PDE10A: variants seen among roughly 807,000 people sequenced by gnomAD.
PDE10A encodes the protein cAMP and cAMP-inhibited cGMP 3',5'-cyclic phosphodiesterase 10A.
PDE10A carries 39 observed loss-of-function variants against 97.7 expected under a neutral mutation model. That is an observed-to-expected ratio of 0.40 (90% CI 0.31 to 0.52). The LOEUF is 0.52. Among genes scored for constraint, PDE10A ranks in the 20% least tolerant of loss-of-function variants. The pLI, the probability that PDE10A is intolerant of heterozygous loss-of-function variation, is 0.56. For missense variants in PDE10A, 731 were observed against 1,047.8 expected (o/e 0.70, Z 4.17); for synonymous variants, 371 against 376.8 (o/e 0.98, Z 0.18).
intron 10 of PDE10A, among the ~76,000 whole-genome samples, chr6:165,419,874 T>C (rs1175659370): frequency 6.6e-6 from 1 of 152,206 alleles, no homozygotes; most frequent in African/African-American, 2.4e-5. Flanking sequence ...ATATAAAATG[T>C]ATAGATTTAA....
intron 2 of PDE10A, among the ~76,000 whole-genome samples, chr6:165,522,036 T>C (rs1156497435): frequency 6.6e-6 from 1 of 152,224 alleles, no homozygotes; most frequent in East Asian, 1.9e-4. Flanking sequence ...TAATATTTTA[T>C]TCTATGACTA....
In PDE10A at chr6:165,779,300, G is replaced by A. The variant is rs557302692; in HGVS notation, c.-615+208229C>T. ...CCTTTTCACTTCAACAGAAAAACAA[G>A]TCATTGTTTAGTTTAAAATAATGGA... On this transcript the variant is annotated intron_variant, in intron 1 of 19. Coordinates refer to the PDE10A transcript ENST00000366882. Among the ~76,000 whole-genome samples the A allele has an allele frequency of 8.6e-5, 12 of 139,450 alleles. No individual in the cohort carries two copies. The South Asian group carries it at 2.7e-3, about 32-fold the overall frequency. The allele number at this position is 139,450 out of a possible 152,430, so 91.5% of individuals were successfully genotyped here.
At chr6:165,687,298 G>A (rs936387689) in intron 1 of PDE10A, among the ~76,000 whole-genome samples, 1 of 152,218 alleles carries the variant, frequency 6.6e-6, no homozygotes, top group African/African-American at 2.4e-5. Flanking sequence ...TGCTTGGGAA[G>A]GTTTCTTAAC....
chr6:165,819,505 C>T lies in PDE10A; in HGVS notation c.-615+168024G>A, dbSNP rs1301496149. The stretch of plus-strand genomic sequence containing the variant: ...CCCTGCACGTGCTGCCCTCTGACTG[C>T]AGGGTGCCGGCAGCCTCCTCCGACC... On this transcript the variant is annotated intron_variant, in intron 1 of 19. Transcript: ENST00000366882. The surrounding 1 kb of genome is among the most constrained non-coding windows in gnomAD (Gnocchi z 4.2). Among the ~76,000 whole-genome samples the T allele has an allele frequency of 6.6e-6, 1 of 152,180 alleles. No individual in the cohort carries two copies. The highest frequency in any genetic ancestry group is 2.4e-5 in the African/African-American group (1 of 41,444).
At chr6:165,796,562 C>A (rs1380126373) in intron 1 of PDE10A, among the ~76,000 whole-genome samples, 1 of 152,162 alleles carries the variant, frequency 6.6e-6, no homozygotes, top group African/African-American at 2.4e-5. Flanking sequence ...TATGTGTAAG[C>A]ATCAGTTAGG....
intron 1 of PDE10A, among the ~76,000 whole-genome samples, chr6:165,928,386 G>C (rs903383492): frequency 1.3e-5 from 2 of 152,184 alleles, no homozygotes; most frequent in African/African-American, 4.8e-5. Context: ...TCAGTCTTAC[G>C]TGGTTTCTGC....
chr6:165,981,389 C>T (rs527277419), intron 1 of PDE10A, among the ~76,000 whole-genome samples: 1 of 152,298 alleles, frequency 6.6e-6, no homozygotes, highest in African/African-American at 2.4e-5. Context: ...TTCATTTCTT[C>T]CCAAAATCAT....
chr6:165,725,388 G>C (rs4709976), intron 1 of PDE10A, among the ~76,000 whole-genome samples: 2 of 152,142 alleles, frequency 1.3e-5, no homozygotes, highest in Non-Finnish European at 2.9e-5. Flanking sequence ...AACCCTAGAG[G>C]GTGCCATGGG....
intron 1 of PDE10A, among the ~76,000 whole-genome samples, chr6:165,544,553 C>A (rs1583509132): frequency 6.9e-6 from 1 of 144,016 alleles, no homozygotes; most frequent in East Asian, 2.0e-4. Flanking sequence ...AATAAATTAC[C>A]CTTTTTAGGG....
chr6:165,664,391 C>T (rs1790442697), upstream of PDE10A, among the ~76,000 whole-genome samples: 1 of 152,160 alleles, frequency 6.6e-6, no homozygotes, highest in East Asian at 1.9e-4. Flanking sequence ...TGTATTTGCA[C>T]CAAGCTGAGC....
chr6:165,961,787 A>T (rs1784368149), intron 1 of PDE10A, among the ~76,000 whole-genome samples: 1 of 152,064 alleles, frequency 6.6e-6, no homozygotes, highest in Non-Finnish European at 1.5e-5. Flanking sequence ...TCAGAGCAAA[A>T]CCCCAGAGCC....
chr6:165,395,058 A>G lies in PDE10A; in HGVS notation c.2303+123T>C. 10 of 568,502 alleles carry G rather than the reference A, an allele frequency of 1.8e-5. 1 individual carries two copies. In the South Asian group the frequency reaches 2.6e-4, roughly 15 times the overall value. The allele number at this position is 568,502 out of a possible 1,614,324, so 35.2% of individuals were successfully genotyped here. On this transcript the variant is annotated intron_variant, in intron 15 of 21. Transcript: ENST00000539869. Reference sequence around the variant, plus strand: ...TATTGGAATATTTAGGAAAAAAAGTAATTTATACATGCAGTATTTAAAAAT... The same window carrying G: ...TATTGGAATATTTAGGAAAAAAAGTGATTTATACATGCAGTATTTAAAAAT...
chr6:165,376,818 T>C (rs1043869371), intron 18 of PDE10A, among the ~76,000 whole-genome samples: 9 of 151,844 alleles, frequency 5.9e-5, no homozygotes, highest in African/African-American at 1.7e-4. Flanking sequence ...ACTCAGGAGG[T>C]TGAGGTAGGA....
intron 1 of PDE10A, among the ~76,000 whole-genome samples, chr6:165,738,760 C>T (rs550693363): frequency 6.6e-6 from 1 of 152,302 alleles, no homozygotes; most frequent in African/African-American, 2.4e-5. Context: ...TCTCTGATGG[C>T]TGGTGATGGT....
intron 1 of PDE10A, among the ~76,000 whole-genome samples, chr6:165,915,229 G>A (rs141350942): frequency 6.7e-4 from 102 of 152,268 alleles, no homozygotes; most frequent in Middle Eastern, 3.4e-3. Flanking sequence ...CCAAATATGA[G>A]ATTAGACAAG....
rs373349071 is a variant in PDE10A at position 165,362,909 on chromosome 6, T to C, written c.2783+16285A>G. Among the ~76,000 whole-genome samples the C allele has an allele frequency of 4.6e-4, 70 of 152,296 alleles. 2 individuals are homozygous for C. In the East Asian group the frequency reaches 9.3e-3, roughly 20 times the overall value. On this transcript the variant is annotated intron_variant, in intron 18 of 21. Coordinates refer to ENST00000539869, the MANE Select transcript of PDE10A (RefSeq NM_001385079.1). The stretch of plus-strand genomic sequence containing the variant: ...ATAGGAATGCAAGGTTGGTTTAACA[T>C]CTAAATATCAATTAATCTAATGCAC...
chr6:165,913,605 A>G (rs995952253), intron 1 of PDE10A, among the ~76,000 whole-genome samples: 3 of 152,164 alleles, frequency 2.0e-5, no homozygotes, highest in African/African-American at 7.2e-5. Flanking sequence ...AGGATGCAGG[A>G]CTGGCGTTTA....
intron 1 of PDE10A, among the ~76,000 whole-genome samples, chr6:165,778,028 C>G (rs1168088519): frequency 6.8e-6 from 1 of 147,840 alleles, no homozygotes; most frequent in Non-Finnish European, 1.5e-5. Flanking sequence ...ATTAAAAAGG[C>G]TACATTTTTT....
At chr6:165,440,741 A>G (rs891939189) in intron 5 of PDE10A, among the ~76,000 whole-genome samples, 1 of 152,196 alleles carries the variant, frequency 6.6e-6, no homozygotes, top group African/African-American at 2.4e-5. Flanking sequence ...AAAAATAACA[A>G]AACAACTGTT....
Sources: gnomAD v4.1 joint callset for allele counts (sites outside exome capture counted in the v4.1 genomes callset) on GRCh38, gnomAD v4.1.1 for gene constraint, Gnocchi (gnomAD v3.1) non-coding constraint, MANE v1.5 for transcripts, NCBI Gene and HGNC (gene_info 2026-07-23, HGNC 2026-07-21) for gene names.